CNTN5: variants seen among roughly 807,000 people sequenced by gnomAD.
CNTN5 encodes contactin-5.
A neutral mutation model predicts 129.1 loss-of-function variants in CNTN5; 77 were observed. The ratio of observed to expected loss-of-function variants is 0.60; its 90% confidence interval spans 0.50 to 0.72. CNTN5 has a LOEUF of 0.72. Ranked by LOEUF, CNTN5 falls within the 30% of genes least tolerant of loss-of-function variation. The probability of loss-of-function intolerance (pLI) is 0.00; values close to 1 mark genes in which losing one functional copy is unlikely to be tolerated. For missense variants in CNTN5, 1,478 were observed against 1,328.8 expected, an observed-to-expected ratio of 1.11 and a Z score of -1.75; for synonymous variants, 509 against 465.6, an observed-to-expected ratio of 1.09 and a Z score of -1.20.
intron 3 of CNTN5, among the ~76,000 whole-genome samples, chr11:99,804,531 T>C (rs1013235797): frequency 1.0e-4 from 15 of 149,142 alleles, no homozygotes; most frequent in African/African-American, 3.7e-4. Context: ...ATTTTTGAGA[T>C]AGAAAAAAAA....
At chr11:100,023,215 T>G (rs1006982537) in intron 9 of CNTN5, among the ~76,000 whole-genome samples, 11 of 152,232 alleles carry the variant, frequency 7.2e-5, no homozygotes, top group African/African-American at 2.7e-4. Context: ...TGTTTCACCT[T>G]TTGATAGATT....
At chr11:100,291,009 G>T (rs1352959269) in intron 18 of CNTN5, among the ~76,000 whole-genome samples, 1 of 150,564 alleles carries the variant, frequency 6.6e-6, no homozygotes, top group Non-Finnish European at 1.5e-5. Flanking sequence ...ATGAAAAAAT[G>T]CTCATCATCA....
At chr11:99,769,345 G>T (rs1402150896) in intron 3 of CNTN5, among the ~76,000 whole-genome samples, 2 of 152,054 alleles carry the variant, frequency 1.3e-5, no homozygotes, top group Non-Finnish European at 2.9e-5. Flanking sequence ...TATGAGATAT[G>T]CTCATTGCTA....
At chr11:99,178,540 C>G (rs116022464) in intron 1 of CNTN5, among the ~76,000 whole-genome samples, 1,911 of 151,966 alleles carry the variant, frequency 0.013, 41 homozygotes, top group African/African-American at 0.042. Flanking sequence ...AGAACGAAAC[C>G]TAGCATCTTT....
chr11:100,039,039 A>T (rs1215764940), intron 9 of CNTN5, among the ~76,000 whole-genome samples: 1 of 152,154 alleles, frequency 6.6e-6, no homozygotes, highest in Admixed American at 6.5e-5. Context: ...TTTGCTCATT[A>T]GTTGATGCAG....
chr11:100,166,808 C>A (rs779823346), intron 13 of CNTN5, among the ~76,000 whole-genome samples: 2 of 151,870 alleles, frequency 1.3e-5, no homozygotes, highest in Non-Finnish European at 2.9e-5. Flanking sequence ...GGTCAGATAT[C>A]TAAATTAAAA....
At chr11:99,813,725 G>A (rs1936338996) in intron 3 of CNTN5, among the ~76,000 whole-genome samples, 1 of 151,948 alleles carries the variant, frequency 6.6e-6, no homozygotes, top group Non-Finnish European at 1.5e-5. Flanking sequence ...AGTGAAATAG[G>A]GATAAAGACA....
intron 4 of CNTN5, among the ~76,000 whole-genome samples, chr11:99,822,647 A>G (rs1380122878): frequency 6.6e-6 from 1 of 152,190 alleles, no homozygotes; most frequent in Non-Finnish European, 1.5e-5. Flanking sequence ...GTACCAGGAG[A>G]GGGTATATAC....
chr11:99,409,685 CAATAGTT>C (rs1421920607), intron 2 of CNTN5, among the ~76,000 whole-genome samples: 2 of 152,084 alleles, frequency 1.3e-5, no homozygotes, highest in African/African-American at 4.8e-5. Flanking sequence ...AATAGTATAG[CAATAGTT>C]ATTAGAATGA....
intron 21 of CNTN5, among the ~76,000 whole-genome samples, chr11:100,311,269 C>T (rs1428244849): frequency 6.6e-6 from 1 of 151,656 alleles, no homozygotes; most frequent in East Asian, 2.0e-4. Flanking sequence ...AAAGATGAGA[C>T]AAAGATAATT....
chr11:99,194,480 A>C (rs909199142), intron 1 of CNTN5, among the ~76,000 whole-genome samples: 2 of 152,350 alleles, frequency 1.3e-5, no homozygotes, highest in Middle Eastern at 3.4e-3. Flanking sequence ...TATTATCCCC[A>C]AAAGCTGAAG....
At chr11:99,031,414 T>C (rs1863365683) in intron 1 of CNTN5, among the ~76,000 whole-genome samples, 1 of 152,068 alleles carries the variant, frequency 6.6e-6, no homozygotes, top group Admixed American at 6.5e-5. Context: ...TTGCAGAAGA[T>C]ATAATATAGT....
At chr11:99,039,494 T>G (rs1863899575) in intron 1 of CNTN5, among the ~76,000 whole-genome samples, 1 of 152,038 alleles carries the variant, frequency 6.6e-6, no homozygotes, top group Non-Finnish European at 1.5e-5. Context: ...TCACTTTGCC[T>G]CAATAGAAAA....
chr11:99,364,591 T>C (rs140007958), intron 2 of CNTN5, among the ~76,000 whole-genome samples: 271 of 152,252 alleles, frequency 1.8e-3, no homozygotes, highest in African/African-American at 6.3e-3. Context: ...CAAAACTATG[T>C]TACATTTTAA....
chr11:99,155,450 A>G (rs1860286186), intron 1 of CNTN5, among the ~76,000 whole-genome samples: 1 of 152,180 alleles, frequency 6.6e-6, no homozygotes, highest in African/African-American at 2.4e-5. Flanking sequence ...TATGTGAACT[A>G]ACAGATGTGC....
At chr11:99,096,022 T>C (rs1218270931) in intron 1 of CNTN5, among the ~76,000 whole-genome samples, 1 of 151,950 alleles carries the variant, frequency 6.6e-6, no homozygotes, top group Non-Finnish European at 1.5e-5. Context: ...ATTTAAATTG[T>C]CTGTAATTTA....
At chr11:99,279,805 A>G (rs894882699) in intron 1 of CNTN5, among the ~76,000 whole-genome samples, 3 of 151,662 alleles carry the variant, frequency 2.0e-5, no homozygotes, top group South Asian at 2.1e-4. Context: ...GAGGATGCCA[A>G]TCAAAAGTAA....
At chr11:99,140,977 A>C (rs1048421833) in intron 1 of CNTN5, among the ~76,000 whole-genome samples, 1 of 151,612 alleles carries the variant, frequency 6.6e-6, no homozygotes, top group Admixed American at 6.6e-5. Flanking sequence ...TGTGTCTCTG[A>C]CAGTGTTGGC....
intron 20 of CNTN5, among the ~76,000 whole-genome samples, chr11:100,307,541 T>C (rs1461203487): frequency 6.6e-6 from 1 of 150,918 alleles, no homozygotes; most frequent in Non-Finnish European, 1.5e-5. Context: ...GTGTGAAAGG[T>C]CACTGAATGT....
Sources: allele counts gnomAD v4.1 joint callset (sites outside exome capture counted in the v4.1 genomes callset), GRCh38; gene constraint gnomAD v4.1.1; transcripts MANE v1.5; gene names NCBI Gene and HGNC (gene_info 2026-07-23, HGNC 2026-07-21).